CUL3: variants seen among roughly 807,000 people sequenced by gnomAD.
CUL3 encodes cullin-3.
CUL3 carries 19 observed loss-of-function variants against 89.1 expected under a neutral mutation model. The observed-to-expected ratio is 0.21, with a 90% CI of 0.15 to 0.31. The LOEUF is 0.31. CUL3 is among the 10% of genes least tolerant of loss of function. The pLI is 1.00. For synonymous variants in CUL3, 351 were observed against 308.4 expected, an observed-to-expected ratio of 1.14 and a Z score of -1.45; for missense variants, 469 against 942.3, an observed-to-expected ratio of 0.50 and a Z score of 6.58.
intron 14 of CUL3, among the ~76,000 whole-genome samples, chr2:224,481,382 T>C (rs936482026): frequency 6.9e-6 from 1 of 145,892 alleles, no homozygotes; most frequent in African/African-American, 2.6e-5. Context: ...ATTTTCATTA[T>C]CGACTTATAT....
At chr2:224,547,920 C>T (rs898487890) in intron 2 of CUL3, among the ~76,000 whole-genome samples, 14 of 151,952 alleles carry the variant, frequency 9.2e-5, no homozygotes, top group East Asian at 3.9e-4. Context: ...AACTTACTTA[C>T]AAACAAATAT....
rs1235028275 is a variant in CUL3 at position 224,472,236 on chromosome 2, A to T, written c.*2009T>A. The T allele has an allele frequency of 4.5e-6, 1 of 221,032 alleles. No individual in the cohort carries two copies. The highest frequency in any genetic ancestry group is 9.0e-6 in the Non-Finnish European group (1 of 110,568). The allele number at this position is 221,032 out of a possible 1,614,324, so 13.7% of individuals were successfully genotyped here. A position where few individuals can be genotyped will look rare whatever the true frequency, so the allele number is the denominator to read the frequency against. ...CTCTAGATCTGATTTTTACAGCCAC[A>T]CTTGAGACAATGACGTAAACTTAAA... On this transcript the variant is annotated 3_prime_UTR_variant, in exon 16 of 16. Coordinates refer to ENST00000264414, the MANE Select transcript of CUL3 (RefSeq NM_003590.5).
intron 1 of CUL3, among the ~76,000 whole-genome samples, chr2:224,568,411 T>A (rs1695099221): frequency 6.6e-6 from 1 of 152,214 alleles, no homozygotes; most frequent in South Asian, 2.1e-4. Context: ...TTTTCTTCAA[T>A]GCCACACAGA....
At chr2:224,580,022 C>A (rs1380196667) in intron 1 of CUL3, among the ~76,000 whole-genome samples, 2 of 152,178 alleles carry the variant, frequency 1.3e-5, no homozygotes, top group Non-Finnish European at 2.9e-5. Flanking sequence ...CATAGTGGAA[C>A]AAAGCCCAGG....
intron 2 of CUL3, chr2:224,556,210 A>G (rs1694704889): frequency 6.6e-6 from 1 of 152,164 alleles, no homozygotes; most frequent in African/African-American, 2.4e-5. Flanking sequence ...CCATCACATG[A>G]AAGTTTCTAG....
intron 10 of CUL3, among the ~76,000 whole-genome samples, chr2:224,501,584 T>C (rs750050283): frequency 1.1e-4 from 16 of 152,220 alleles, no homozygotes; most frequent in Non-Finnish European, 1.8e-4. Flanking sequence ...AGTTTATGAA[T>C]ATCAAGAAGC....
chr2:224,546,552 C>T (rs1019954600), intron 2 of CUL3, among the ~76,000 whole-genome samples: 1 of 151,922 alleles, frequency 6.6e-6, no homozygotes, highest in African/African-American at 2.4e-5. Flanking sequence ...TTTCAACAGA[C>T]AACTGAGTGC....
chr2:224,584,810 C>A (rs1695539483), intron 1 of CUL3, 134 bp downstream of exon 1: 1 of 440,956 alleles, frequency 2.3e-6, no homozygotes, highest in African/African-American at 2.2e-5. Flanking sequence ...GGAAGGCTCG[C>A]GCCCCGCGGC....
chr2:224,525,810 C>T lies in CUL3; in HGVS notation c.378+9718G>A, dbSNP rs1574657361. On this transcript the variant is annotated intron_variant, in intron 3 of 15. Coordinates refer to ENST00000264414, the MANE Select transcript of CUL3 (RefSeq NM_003590.5). ...CAACTTAATCTACTCTGTTTTCTTCCTTCATTATCATAATTCCTCAGACAC... is the reference window on the plus strand; with the variant it reads ...CAACTTAATCTACTCTGTTTTCTTCTTTCATTATCATAATTCCTCAGACAC... Among the ~76,000 whole-genome samples the T allele has an allele frequency of 2.6e-5, 4 of 152,294 alleles. No individual in the cohort carries two copies. The East Asian group carries it at 7.7e-4, about 29-fold the overall frequency.
At chr2:224,571,834 C>A (rs577267882) in intron 1 of CUL3, among the ~76,000 whole-genome samples, 1 of 152,286 alleles carries the variant, frequency 6.6e-6, no homozygotes, top group East Asian at 1.9e-4. Flanking sequence ...GTAGTCGGTG[C>A]CTAGATTTAT....
chr2:224,500,294 T>A (rs1428158887), intron 11 of CUL3, 69 bp downstream of exon 11: 2 of 1,538,470 alleles, frequency 1.3e-6, no homozygotes, highest in South Asian at 1.1e-5. Flanking sequence ...CGGATACTAA[T>A]GTTCAAATTC....
At chr2:224,503,241 G>A (rs1341839901) in intron 9 of CUL3, among the ~76,000 whole-genome samples, 169 bp from the exon 10 acceptor site, 4 of 152,154 alleles carry the variant, frequency 2.6e-5, no homozygotes, top group Non-Finnish European at 5.9e-5. Context: ...ATTTTAAAAT[G>A]CAAATTCCCA....
At chr2:224,535,085 T>G (rs1162356561) in intron 3 of CUL3, among the ~76,000 whole-genome samples, 2 of 151,902 alleles carry the variant, frequency 1.3e-5, no homozygotes, top group Non-Finnish European at 2.9e-5. Context: ...TAGGCTTCGG[T>G]TGGCCCTTAC....
intron 6 of CUL3, among the ~76,000 whole-genome samples, chr2:224,507,908 G>A (rs1692663123): frequency 6.6e-6 from 1 of 152,038 alleles, no homozygotes; most frequent in South Asian, 2.1e-4. Flanking sequence ...CTAGATCAGA[G>A]GCTGACCAAT....
At chr2:224,558,571 T>C (rs1694799407) in intron 1 of CUL3, among the ~76,000 whole-genome samples, 1 of 152,324 alleles carries the variant, frequency 6.6e-6, no homozygotes, top group South Asian at 2.1e-4. Context: ...ACTCGAAGTA[T>C]AGCATAAGGA....
At chr2:224,477,637 A>G (rs1238069215) in intron 15 of CUL3, among the ~76,000 whole-genome samples, 1 of 152,200 alleles carries the variant, frequency 6.6e-6, no homozygotes, top group Non-Finnish European at 1.5e-5. Context: ...TTGGTTAAAG[A>G]AACAAACCTC....
At chr2:224,581,778 T>C (rs1695443979) in intron 1 of CUL3, among the ~76,000 whole-genome samples, 1 of 151,828 alleles carries the variant, frequency 6.6e-6, no homozygotes, top group African/African-American at 2.4e-5. Context: ...CCCGAAGTGC[T>C]AGGATTACAG....
At chr2:224,554,706 A>G (rs1694639132) in intron 2 of CUL3, among the ~76,000 whole-genome samples, 1 of 152,240 alleles carries the variant, frequency 6.6e-6, no homozygotes, top group Non-Finnish European at 1.5e-5. Flanking sequence ...CCTAGCACAC[A>G]GTAAATGCTA....
rs1691098378 is a variant in CUL3 at position 224,470,679 on chromosome 2, T to C, written c.*3566A>G. On this transcript the variant is annotated 3_prime_UTR_variant, in exon 16 of 16. Transcript: ENST00000264414. Reference sequence around the variant, plus strand: ...GACAAAGCGCCTATTTTCTTTTCAATGGACACATTCCAGAATAGCAGCAAT... The same window carrying C: ...GACAAAGCGCCTATTTTCTTTTCAACGGACACATTCCAGAATAGCAGCAAT... 4.3e-6 allele frequency: 1 copy of C among 231,936 alleles called. No individual in the cohort carries two copies. Among genetic ancestry groups the C allele is most frequent in the Non-Finnish European group, 8.5e-6 (1 of 117,196 alleles). The allele number at this position is 231,936 out of a possible 1,614,324, so 14.4% of individuals were successfully genotyped here. A position where few individuals can be genotyped will look rare whatever the true frequency, so the allele number is the denominator to read the frequency against.
Sources: gnomAD v4.1 joint callset for allele counts (sites outside exome capture counted in the v4.1 genomes callset) on GRCh38, gnomAD v4.1.1 for gene constraint, MANE v1.5 for transcripts, NCBI Gene and HGNC (gene_info 2026-07-23, HGNC 2026-07-21) for gene names.